CELSR1: variants seen among roughly 807,000 people sequenced by gnomAD.
CELSR1 encodes cadherin EGF LAG seven-pass G-type receptor 1.
In CELSR1, 110 loss-of-function variants were observed where a neutral mutation model predicts 249.1. The ratio of observed to expected loss-of-function variants is 0.44; its 90% CI spans 0.38 to 0.52. The LOEUF (loss-of-function observed/expected upper bound fraction) is 0.52, where lower values mean the gene tolerates loss of function less well. Ranked by LOEUF, CELSR1 falls within the 20% of genes least tolerant of loss-of-function variation. CELSR1 has a pLI of 0.00. For missense variants in CELSR1, 4,109 were observed against 4,296.4 expected (o/e 0.96, Z 1.22); for synonymous variants, 2,113 against 1,900.0 (o/e 1.11, Z -2.92).
In CELSR1 at chr22:46,411,574, C is replaced by G; in HGVS notation, c.4769+28G>C. The G allele has an allele frequency of 6.2e-7, 1 of 1,613,350 alleles. No homozygotes were observed. Among genetic ancestry groups the G allele is most frequent in the Non-Finnish European group, 8.5e-7 (1 of 1,179,674 alleles). On this transcript the variant is annotated intron_variant, in intron 6 of 34. Coordinates refer to ENST00000674500, the MANE Select transcript of CELSR1 (RefSeq NM_001378328.1). The surrounding 1 kb of genome is among the most constrained non-coding windows in gnomAD (Gnocchi z 4.2). ...TGAGCATGTTTGGGGGTACGGACCC[C>G]CAGGGCCTCCCCTCCTGGGATGCTC...
intron 24 of CELSR1, among the ~76,000 whole-genome samples, chr22:46,373,680 G>C (rs1268537976): frequency 7.9e-6 from 1 of 127,100 alleles, no homozygotes; most frequent in African/African-American, 3.2e-5. Flanking sequence ...GGGAGATGGG[G>C]GAGATGGGGG....
rs539193185 is a variant in CELSR1, at chr22:46,363,817, G to T, written c.9035+179C>A. The stretch of plus-strand genomic sequence containing the variant: ...GATAGGGGGTCTGCCCATCTCCGGG[G>T]TATCCTCCTGACCTCAGCTGCAGCG... On this transcript the variant is annotated intron_variant, in intron 34 of 34. Coordinates refer to ENST00000674500, the MANE Select transcript of CELSR1 (RefSeq NM_001378328.1). The surrounding 1 kb of genome is among the most constrained non-coding windows in gnomAD (Gnocchi z 4.3). 5.0e-6 allele frequency: 4 copies of T among 802,052 alleles called. No individual in the cohort carries two copies. In the East Asian group the frequency reaches 8.4e-5, roughly 17 times the overall value. The allele number at this position is 802,052 out of a possible 1,614,324, so 49.7% of individuals were successfully genotyped here.
chr22:46,376,624 C>G (rs1005964106), intron 24 of CELSR1, among the ~76,000 whole-genome samples: 11 of 152,168 alleles, frequency 7.2e-5, no homozygotes, highest in African/African-American at 2.7e-4. Flanking sequence ...CCTGCCTCAG[C>G]CTCCCAAAGG....
intron 1 of CELSR1, among the ~76,000 whole-genome samples, chr22:46,494,916 T>C (rs1346637293): frequency 6.6e-6 from 1 of 152,246 alleles, no homozygotes; most frequent in African/African-American, 2.4e-5. Context: ...TCACTTTTCA[T>C]TTATTGCCAG....
In CELSR1 at chr22:46,506,723, T is replaced by G. The variant is rs115324161; in HGVS notation, c.3544+26904A>C. Reference sequence around the variant, plus strand: ...AGACAAGCCCAAATCGAGAGTTACGTTCTAATTTTAAGATCTCTGTGCCAC... The same window carrying G: ...AGACAAGCCCAAATCGAGAGTTACGGTCTAATTTTAAGATCTCTGTGCCAC... On this transcript the variant is annotated intron_variant, in intron 1 of 34. Transcript: ENST00000674500. The surrounding 1 kb of genome is among the most constrained non-coding windows in gnomAD (Gnocchi z 4.1). Among the ~76,000 whole-genome samples the G allele has an allele frequency of 1.4e-3, 211 of 152,176 alleles. 1 individual carries two copies. Among genetic ancestry groups the G allele is most frequent in the African/African-American group, 4.9e-3 (202 of 41,512 alleles).
chr22:46,484,723 C>T lies in CELSR1; in HGVS notation c.3545-20378G>A, dbSNP rs1485981262. Among the ~76,000 whole-genome samples the T allele has an allele frequency of 2.9e-5, 4 of 138,828 alleles. No homozygotes were observed. The highest frequency in any genetic ancestry group is 7.9e-5 in the African/African-American group (3 of 37,924). The allele number at this position is 138,828 out of a possible 152,430, so 91.1% of individuals were successfully genotyped here. A position where few individuals can be genotyped will look rare whatever the true frequency, so the allele number is the denominator to read the frequency against. ...CTGGAGTGAGCGCTCACAGGGACCC[C>T]GCCCAGGTGCTGGGGAGGTCCGGCT... On this transcript the variant is annotated intron_variant, in intron 1 of 34. Coordinates refer to ENST00000674500, the MANE Select transcript of CELSR1 (RefSeq NM_001378328.1). The surrounding 1 kb of genome is among the most constrained non-coding windows in gnomAD (Gnocchi z 4.5).
chr22:46,464,699 C>G lies in CELSR1; in HGVS notation c.3545-354G>C, dbSNP rs575945082. Among the ~76,000 whole-genome samples, 2 of 152,318 alleles carry G rather than the reference C, an allele frequency of 1.3e-5. No individual in the cohort carries two copies. Among genetic ancestry groups the G allele is most frequent in the African/African-American group, 4.8e-5 (2 of 41,572 alleles). On this transcript the variant is annotated intron_variant, in intron 1 of 34. Transcript: ENST00000674500. The surrounding 1 kb of genome is among the most constrained non-coding windows in gnomAD (Gnocchi z 8.5). Reference sequence around the variant, plus strand: ...CCACCAGGATTCAGCCCCTCACTGCCTGAAACTCCTCACACGCTTTGGTTC... The same window carrying G: ...CCACCAGGATTCAGCCCCTCACTGCGTGAAACTCCTCACACGCTTTGGTTC...
Position 46,469,660 on chromosome 22 carries a change from C to T in CELSR1, c.3545-5315G>A, listed in dbSNP as rs529963788. On this transcript the variant is annotated intron_variant, in intron 1 of 34. Transcript: ENST00000674500. ...TCTCCCAAGTAGCTGGGATTACAGA[C>T]GTACACCACCACGCCTGGCTAATTT... Among the ~76,000 whole-genome samples, 135 of 151,902 alleles carry T rather than the reference C, an allele frequency of 8.9e-4. 1 individual carries two copies. In the South Asian group the frequency reaches 0.011, roughly 12 times the overall value.
chr22:46,365,474 G>A (rs551863118), intron 31 of CELSR1, 94 bp from the exon 32 acceptor site: 3 of 1,561,550 alleles, frequency 1.9e-6, no homozygotes, highest in African/African-American at 1.4e-5. Context: ...CTGGCATGCT[G>A]ACGCTGAGCA....
At chr22:46,370,595 C>G (rs1391104015) in intron 25 of CELSR1, among the ~76,000 whole-genome samples, 1 of 152,200 alleles carries the variant, frequency 6.6e-6, no homozygotes, top group Non-Finnish European at 1.5e-5. Flanking sequence ...GAGCAACCAG[C>G]AGGTGAGACC....
intron 1 of CELSR1, among the ~76,000 whole-genome samples, chr22:46,519,081 G>A (rs530929287): frequency 2.0e-5 from 3 of 151,932 alleles, no homozygotes; most frequent in African/African-American, 7.2e-5. Context: ...GCCACGTGCT[G>A]CGCTGTGCAC....
At position 46,410,737 on chromosome 22, in the gene CELSR1, C is replaced by T. The variant is rs920245027; in HGVS notation, c.4770-176G>A. Reference sequence around the variant, plus strand: ...GCTCCTGTGTCTGGTGCCGCCACTGCCTCCGTTTGCTCACACTTGTGTTCA... The same window carrying T: ...GCTCCTGTGTCTGGTGCCGCCACTGTCTCCGTTTGCTCACACTTGTGTTCA... On this transcript the variant is annotated intron_variant, in intron 6 of 34. Transcript: ENST00000674500. The surrounding 1 kb of genome is among the most constrained non-coding windows in gnomAD (Gnocchi z 6.8). 3.3e-5 allele frequency among the ~76,000 whole-genome samples: 5 copies of T among 151,836 alleles called. No individual in the cohort carries two copies. The highest frequency in any genetic ancestry group is 1.2e-4 in the African/African-American group (5 of 41,324).
In CELSR1 at chr22:46,363,344, C is replaced by A; in HGVS notation, c.9036-97G>T. ...GTCACACGGGGGGGCAGGATCACCC[C>A]ATCAGGGTAGAGGGGGCGTCTGGGG... On this transcript the variant is annotated intron_variant, in intron 34 of 34. Transcript: ENST00000674500. The surrounding 1 kb of genome is among the most constrained non-coding windows in gnomAD (Gnocchi z 4.3). 1 of 1,078,476 alleles carries A rather than the reference C, an allele frequency of 9.3e-7. No homozygotes were observed. The allele number at this position is 1,078,476 out of a possible 1,614,324, so 66.8% of individuals were successfully genotyped here.
At chr22:46,514,656 C>T (rs1393893884) in intron 1 of CELSR1, among the ~76,000 whole-genome samples, 2 of 152,186 alleles carry the variant, frequency 1.3e-5, no homozygotes, top group African/African-American at 4.8e-5. Flanking sequence ...GGTCCCTCCT[C>T]CCAGCATCAA....
chr22:46,430,778 C>A lies in CELSR1; in HGVS notation c.4611+2615G>T, dbSNP rs1374502765. Among the ~76,000 whole-genome samples, 2 of 152,078 alleles carry A rather than the reference C, an allele frequency of 1.3e-5. No homozygotes were observed. The highest frequency in any genetic ancestry group is 1.9e-4 in the East Asian group (1 of 5,182). On this transcript the variant is annotated intron_variant, in intron 5 of 34. Coordinates refer to ENST00000674500, the MANE Select transcript of CELSR1 (RefSeq NM_001378328.1). This position sits in a 1 kb window ranked among gnomAD's most constrained non-coding sequence, Gnocchi z 4.6. ...CTCCAGGCCCCCACACTGCTCCCAA[C>A]CTGACTGGTCCTGCCCCCAGCTCAG...
In CELSR1 at chr22:46,526,031, C is replaced by G. The variant is rs1460838137; in HGVS notation, c.3544+7596G>C. Among the ~76,000 whole-genome samples, 1 of 152,248 alleles carries G rather than the reference C, an allele frequency of 6.6e-6. No individual in the cohort carries two copies. Among genetic ancestry groups the G allele is most frequent in the Non-Finnish European group, 1.5e-5 (1 of 68,034 alleles). On this transcript the variant is annotated intron_variant, in intron 1 of 34. Transcript: ENST00000674500. This position sits in a 1 kb window ranked among gnomAD's most constrained non-coding sequence, Gnocchi z 4.7. ...CTTTTAAAAATGGTCTCTCAACACC[C>G]TGGTCGGTACATGGGGCCAGACATA...
rs748727636 is a variant in CELSR1 at position 46,534,254 on chromosome 22, G to A, written c.2917C>T (p.Arg973Trp). Reference protein sequence around the residue: ...VYNLWALAVDRGSPTPLSASV... With the variant: ...VYNLWALAVDWGSPTPLSASV... ...GCGCTAAGGGGAGTGGGACTGCCCC[G>A]ATCCACAGCCAGAGCCCAAAGGTTG... The change falls in exon 1 of 35, where the codon CGG becomes TGG. Residue 973 changes from arginine to tryptophan, a missense_variant. By Grantham distance (101) the Arg-to-Trp change is moderately radical. Transcript: ENST00000674500. This position sits in a 1 kb window ranked among gnomAD's most constrained non-coding sequence, Gnocchi z 9.7. The A allele has an allele frequency of 3.6e-5, 58 of 1,613,410 alleles. No homozygotes were observed. Among genetic ancestry groups the A allele is most frequent in the African/African-American group, 9.3e-5 (7 of 74,928 alleles).
rs1405828194 is a variant in CELSR1 at position 46,535,426 on chromosome 22, T to C, written c.1745A>G (p.Tyr582Cys). 2 of 1,608,126 alleles carry C rather than the reference T, an allele frequency of 1.2e-6. No individual in the cohort carries two copies. Among genetic ancestry groups the C allele is most frequent in the South Asian group, 1.1e-5 (1 of 90,232 alleles). ...CACCGCCTGAATGTGCACCACGGGG[T>C]AGCCCAGGGGCACATTCTCCAGCAC... is the stretch of plus-strand genomic sequence containing the variant. ...ATVLENVPLGYPVVHIQAVDA... is the reference protein window; with the variant it reads ...ATVLENVPLGCPVVHIQAVDA... The change falls in exon 1 of 35, where the codon TAC (tyrosine) becomes TGC (cysteine). Residue 582 changes from tyrosine (Y) to cysteine (C), a missense_variant. By Grantham distance (194) the Tyr-to-Cys change is radical. Coordinates refer to ENST00000674500, the MANE Select transcript of CELSR1 (RefSeq NM_001378328.1).
chr22:46,370,488 G>A (rs187006720), intron 25 of CELSR1, among the ~76,000 whole-genome samples: 39 of 152,048 alleles, frequency 2.6e-4, no homozygotes, highest in African/African-American at 8.9e-4. Flanking sequence ...TTAGATAGAG[G>A]AAGAAATGCT....
Sources: gnomAD v4.1 joint callset for allele counts (sites outside exome capture counted in the v4.1 genomes callset) on GRCh38, gnomAD v4.1.1 for gene constraint, Gnocchi (gnomAD v3.1) non-coding constraint, MANE v1.5 for transcripts, NCBI Gene and HGNC (gene_info 2026-07-23, HGNC 2026-07-21) for gene names.